The following RPH3AL variants were observed in gnomAD, a reference collection of about 807,000 sequenced individuals.
The protein encoded by RPH3AL is rabphilin 3A like (without C2 domains).
In RPH3AL, 38 loss-of-function variants were observed where a neutral mutation model predicts 43.1. That is an observed-to-expected ratio of 0.88 (90% confidence interval 0.68 to 1.15). The LOEUF (loss-of-function observed/expected upper bound fraction) is 1.15, where lower values mean the gene tolerates loss of function less well. Among genes scored for constraint, RPH3AL ranks in the 50% most tolerant of loss-of-function variants. RPH3AL has a pLI of 0.00. For missense variants in RPH3AL, 462 were observed against 423.2 expected (o/e 1.09, Z -0.81); for synonymous variants, 189 against 176.3 (o/e 1.07, Z -0.57).
At chr17:262,271 T>G (rs768965099) in intron 6 of RPH3AL, among the ~76,000 whole-genome samples, 2 of 151,982 alleles carry the variant, frequency 1.3e-5, no homozygotes, top group African/African-American at 4.8e-5. Context: ...CAGGCTGGAG[T>G]GCAGCGGCAC....
At chr17:275,202 T>C (rs1429183872) in intron 6 of RPH3AL, among the ~76,000 whole-genome samples, 1 of 146,156 alleles carries the variant, frequency 6.8e-6, no homozygotes, top group African/African-American at 2.5e-5. Flanking sequence ...CCAGGAGACA[T>C]GAATGTTTAC....
In RPH3AL at chr17:219,712, T is replaced by C; in HGVS notation, c.638A>G (p.Asp213Gly). 6.2e-7 allele frequency: 1 copy of C among 1,612,930 alleles called. No individual in the cohort carries two copies. Residue 213 changes from aspartate to glycine, a missense_variant, in exon 8 of 10, where the codon GAC becomes GGC. Transcript: ENST00000331302. Reference protein sequence around the residue: ...GRVVSSDSDSDSDLSSSSLED... With the variant: ...GRVVSSDSDSGSDLSSSSLED... The stretch of plus-strand genomic sequence containing the variant: ...TAGGCTGGAGGAGCTAAGATCCGAG[T>C]CACTGTCACTGTCACTGGAAACCAC...
intron 1 of RPH3AL, among the ~76,000 whole-genome samples, chr17:334,873 G>A (rs115354557): frequency 0.019 from 1,666 of 89,924 alleles, 180 homozygotes; most frequent in African/African-American, 0.058. Flanking sequence ...CATCCACTGC[G>A]GAGGGACAGG....
intron 2 of RPH3AL, chr17:332,601 G>T (rs2044811232): frequency 5.6e-6 from 1 of 178,108 alleles, no homozygotes; most frequent in Non-Finnish European, 1.2e-5. Flanking sequence ...AGACAAGGAA[G>T]AATTCAGAAA....
intron 6 of RPH3AL, among the ~76,000 whole-genome samples, chr17:258,068 A>C (rs2042103754): frequency 1.3e-5 from 2 of 152,086 alleles, no homozygotes; most frequent in Non-Finnish European, 2.9e-5. Context: ...CGCACGCAGC[A>C]ACCCGTGTCA....
chr17:262,856 C>T lies in RPH3AL; in HGVS notation c.439-15571G>A, dbSNP rs568397182. 1.8e-4 allele frequency among the ~76,000 whole-genome samples: 27 copies of T among 152,270 alleles called. No homozygotes were observed. The East Asian group carries it at 2.9e-3, about 16-fold the overall frequency. On this transcript the variant is annotated intron_variant, in intron 6 of 9. Coordinates refer to ENST00000331302, the MANE Select transcript of RPH3AL (RefSeq NM_006987.4). ...ACAAAGCCTGCAGGGTTATTCAGTC[C>T]GACCCCACTTTGCTTTCCCCGCAGA...
In RPH3AL at chr17:213,773, C is replaced by G. The variant is rs1434384116; in HGVS notation, c.*79G>C. On this transcript the variant is annotated 3_prime_UTR_variant, in exon 10 of 10. Coordinates refer to ENST00000331302, the MANE Select transcript of RPH3AL (RefSeq NM_006987.4). ...GCCAACAGGGTGTCTGGTGAGGGCA[C>G]AAGGACCGGTCAGGGAGGAGCCGGG... The G allele has an allele frequency of 2.5e-6, 3 of 1,199,824 alleles. No homozygotes were observed. Among genetic ancestry groups the G allele is most frequent in the Non-Finnish European group, 2.4e-6 (2 of 820,924 alleles). The allele number at this position is 1,199,824 out of a possible 1,614,324, so 74.3% of individuals were successfully genotyped here. A position where few individuals can be genotyped will look rare whatever the true frequency, so the allele number is the denominator to read the frequency against.
intron 5 of RPH3AL, among the ~76,000 whole-genome samples, chr17:282,326 G>A (rs1279499752): frequency 5.9e-5 from 9 of 152,216 alleles, no homozygotes; most frequent in Non-Finnish European, 8.8e-5. Context: ...AGACACAATC[G>A]TGAGAAATGC....
chr17:285,363 C>T (rs963170271), intron 5 of RPH3AL, among the ~76,000 whole-genome samples: 3 of 152,186 alleles, frequency 2.0e-5, no homozygotes, highest in Non-Finnish European at 4.4e-5. Flanking sequence ...AAACCTCAGA[C>T]GTTCTCAGCT....
At chr17:312,068 C>T (rs575483851) in intron 5 of RPH3AL, among the ~76,000 whole-genome samples, 1 of 152,132 alleles carries the variant, frequency 6.6e-6, no homozygotes, top group Non-Finnish European at 1.5e-5. Context: ...CTTTGGGAAG[C>T]GGAGGTGGGA....
At chr17:319,052 G>A (rs1217354919) in intron 5 of RPH3AL, among the ~76,000 whole-genome samples, 1 of 152,222 alleles carries the variant, frequency 6.6e-6, no homozygotes, top group Non-Finnish European at 1.5e-5. Flanking sequence ...AGCATGGTGA[G>A]GTACATGGTA....
In RPH3AL at chr17:323,764, A is replaced by T. The variant is rs1040003818; in HGVS notation, c.78-2349T>A. The stretch of plus-strand genomic sequence containing the variant: ...CTGGTGATGGCACAGGACACTACAG[A>T]TGTCTTCCATCGGACCCTCACAGTC... On this transcript the variant is annotated intron_variant, in intron 3 of 9. Transcript: ENST00000331302. The surrounding 1 kb of genome is among the most constrained non-coding windows in gnomAD (Gnocchi z 4.4). 6.6e-6 allele frequency among the ~76,000 whole-genome samples: 1 copy of T among 152,106 alleles called. No homozygotes were observed. The highest frequency in any genetic ancestry group is 2.4e-5 in the African/African-American group (1 of 41,406).
intron 2 of RPH3AL, chr17:331,097 A>AAG: frequency 6.6e-6 from 1 of 152,092 alleles, no homozygotes; most frequent in Non-Finnish European, 1.5e-5. Context: ...CAAGGGAGGC[A>AAG]GGCAGCCAGC....
chr17:314,683 T>C (rs62053694), intron 5 of RPH3AL, among the ~76,000 whole-genome samples: 46 of 32,098 alleles, frequency 1.4e-3, no homozygotes, highest in Middle Eastern at 0.023. Flanking sequence ...TCTCTGTGAC[T>C]CCACCTCCAT....
At chr17:268,762 C>T (rs2042384630) in intron 6 of RPH3AL, among the ~76,000 whole-genome samples, 1 of 151,920 alleles carries the variant, frequency 6.6e-6, no homozygotes, top group African/African-American at 2.4e-5. Context: ...ACAGGTTTCG[C>T]CATGTTACCC....
intron 6 of RPH3AL, among the ~76,000 whole-genome samples, chr17:266,519 A>G (rs1340784387): frequency 6.6e-6 from 1 of 152,168 alleles, no homozygotes; most frequent in African/African-American, 2.4e-5. Context: ...ACACCCCAGG[A>G]AAGATAGAGC....
rs1385290020 is a variant in RPH3AL, at chr17:328,696, C to T, written c.-36-1117G>A. 2.6e-5 allele frequency among the ~76,000 whole-genome samples: 4 copies of T among 151,672 alleles called. No individual in the cohort carries two copies. In the South Asian group the frequency reaches 6.2e-4, roughly 24 times the overall value. On this transcript the variant is annotated intron_variant, in intron 2 of 9. Transcript: ENST00000331302. The surrounding 1 kb of genome is among the most constrained non-coding windows in gnomAD (Gnocchi z 4.2). ...ATGAGGAAAATGTGCTATATCCATACGATGATTATTATTTACAATGGATTA... is the reference window on the plus strand; with the variant it reads ...ATGAGGAAAATGTGCTATATCCATATGATGATTATTATTTACAATGGATTA...
chr17:294,212 A>C (rs533573818), intron 5 of RPH3AL, among the ~76,000 whole-genome samples: 58 of 152,112 alleles, frequency 3.8e-4, no homozygotes, highest in African/African-American at 1.4e-3. Context: ...TGGGATGAAG[A>C]GACGTACAAA....
intron 7 of RPH3AL, among the ~76,000 whole-genome samples, chr17:226,930 C>G (rs1436600683): frequency 6.6e-6 from 1 of 152,202 alleles, no homozygotes; most frequent in African/African-American, 2.4e-5. Flanking sequence ...TCTGGGATGG[C>G]TCACCGACGA....
Sources: allele counts gnomAD v4.1 joint callset (sites outside exome capture counted in the v4.1 genomes callset), GRCh38; gene constraint gnomAD v4.1.1; non-coding constraint Gnocchi (gnomAD v3.1); transcripts MANE v1.5; gene names NCBI Gene and HGNC (gene_info 2026-07-23, HGNC 2026-07-21).